ITGB5: variants seen among roughly 807,000 people sequenced by gnomAD.
ITGB5 encodes integrin subunit beta 5, also known as integrin beta-5.
ITGB5 carries 38 observed loss-of-function variants against 84.8 expected under a neutral mutation model. The ratio of observed to expected loss-of-function variants is 0.45; its 90% CI spans 0.35 to 0.59. ITGB5 has a LOEUF of 0.59. Among genes scored for constraint, ITGB5 ranks in the 20% least tolerant of loss-of-function variants. The probability of loss-of-function intolerance (pLI) is 0.01; values close to 1 mark genes in which losing one functional copy is unlikely to be tolerated. For missense variants in ITGB5, 905 were observed against 1,034.5 expected (o/e 0.87, Z 1.72); for synonymous variants, 393 against 414.4 (o/e 0.95, Z 0.63).
chr3:124,795,972 TGA>T (rs1342188367), intron 10 of ITGB5, among the ~76,000 whole-genome samples: 1 of 152,070 alleles, frequency 6.6e-6, no homozygotes, highest in Non-Finnish European at 1.5e-5. Flanking sequence ...AGGTTTGTGG[TGA>T]GTTATGGGAG....
intron 7 of ITGB5, among the ~76,000 whole-genome samples, chr3:124,819,215 G>C (rs2064659206): frequency 6.6e-6 from 1 of 152,148 alleles, no homozygotes; most frequent in South Asian, 2.1e-4. Context: ...CGGCAGTCCA[G>C]GGTGACCCAG....
intron 5 of ITGB5, among the ~76,000 whole-genome samples, chr3:124,830,068 A>G (rs1383479561): frequency 1.3e-5 from 2 of 152,222 alleles, no homozygotes; most frequent in Non-Finnish European, 2.9e-5. Flanking sequence ...GCCCCAGAGA[A>G]CAGGGACTGG....
At chr3:124,830,846 T>C (rs903229639) in intron 5 of ITGB5, among the ~76,000 whole-genome samples, 9 of 152,012 alleles carry the variant, frequency 5.9e-5, no homozygotes, top group Non-Finnish European at 7.4e-5. Flanking sequence ...TAGCCAGGCG[T>C]GGTGGCACGT....
chr3:124,865,471 C>T (rs74553200), intron 2 of ITGB5, among the ~76,000 whole-genome samples: 22,115 of 126,042 alleles, frequency 0.18, 1,850 homozygotes, highest in South Asian at 0.25. Context: ...GTGTCCTTTG[C>T]GGCTTTTTTC....
intron 9 of ITGB5, among the ~76,000 whole-genome samples, chr3:124,799,879 A>T (rs1311107693): frequency 1.3e-5 from 2 of 152,176 alleles, no homozygotes; most frequent in East Asian, 3.9e-4. Flanking sequence ...GGACCCCTTG[A>T]TGGTGATCCC....
At chr3:124,861,495 T>TATATACACACACACAC (rs750712591) in intron 2 of ITGB5, among the ~76,000 whole-genome samples, 23 of 112,010 alleles carry the variant, frequency 2.1e-4, no homozygotes, top group African/African-American at 8.7e-4. Flanking sequence ...TATATATATA[T>TATATACACACACACAC]ACACACACAC....
intron 10 of ITGB5, among the ~76,000 whole-genome samples, chr3:124,794,600 G>A (rs1314511586): frequency 6.6e-6 from 1 of 151,860 alleles, no homozygotes; most frequent in African/African-American, 2.4e-5. Flanking sequence ...GGCCAACATG[G>A]GGAAACCCCA....
chr3:124,791,152 G>T (rs1314839061), intron 10 of ITGB5: 1 of 152,162 alleles, frequency 6.6e-6, no homozygotes, highest in African/African-American at 2.4e-5. Context: ...AAAAACAACT[G>T]AACAGAACAT....
At chr3:124,898,169 C>T (rs1261101712) in intron 1 of ITGB5, among the ~76,000 whole-genome samples, 1 of 150,778 alleles carries the variant, frequency 6.6e-6, no homozygotes, top group East Asian at 1.9e-4. Context: ...TTAGAATATT[C>T]AGGTGAGGTC....
Position 124,766,173 on chromosome 3 carries a change from A to T in ITGB5, c.2137+53T>A, listed in dbSNP as rs1430747612. On this transcript the variant is annotated intron_variant, in intron 13 of 14. Transcript: ENST00000296181. ...TCCCAGAGCAGAGAATGGCATCAGA[A>T]ATCAGAACTGAGGGCTGGCTGAGTG... 5.7e-6 allele frequency: 9 copies of T among 1,580,744 alleles called. No individual in the cohort carries two copies. The East Asian group carries it at 1.8e-4, about 32-fold the overall frequency.
rs765777699 is a variant in ITGB5 at position 124,763,727 on chromosome 3, C to T, written c.2305-9G>A. On this transcript the variant is annotated splice_polypyrimidine_tract_variant and intron_variant, in intron 14 of 14. Transcript: ENST00000296181. ...TATAATGGATTTGAAGCCTACAGAACACGGCGGGGAAGAGGATGAGGACAC... is the reference window on the plus strand; with the variant it reads ...TATAATGGATTTGAAGCCTACAGAATACGGCGGGGAAGAGGATGAGGACAC... The T allele has an allele frequency of 3.9e-6, 6 of 1,537,562 alleles. No homozygotes were observed. Among genetic ancestry groups the T allele is most frequent in the Non-Finnish European group, 3.6e-6 (4 of 1,110,610 alleles).
intron 13 of ITGB5, 81 bp from the exon 14 acceptor site, chr3:124,764,638 G>C: frequency 1.4e-6 from 2 of 1,427,362 alleles, no homozygotes; most frequent in Admixed American, 2.0e-5. Context: ...TTTCTGAGAT[G>C]AAAGTTGCAC....
intron 10 of ITGB5, chr3:124,791,370 A>C (rs2150960525): frequency 6.6e-6 from 1 of 152,352 alleles, no homozygotes; most frequent in Admixed American, 6.5e-5. Context: ...TCACAAAAGT[A>C]ATAACAGAGT....
At chr3:124,799,991 C>T (rs1282191361) in intron 9 of ITGB5, among the ~76,000 whole-genome samples, 3 of 152,200 alleles carry the variant, frequency 2.0e-5, no homozygotes, top group African/African-American at 4.8e-5. Flanking sequence ...TGCCCGAAGC[C>T]ACCCGTGGGG....
chr3:124,880,114 T>C (rs1345806557), intron 1 of ITGB5, among the ~76,000 whole-genome samples: 2 of 152,176 alleles, frequency 1.3e-5, no homozygotes, highest in Non-Finnish European at 2.9e-5. Flanking sequence ...ACAAAATATC[T>C]GACCAGTGCT....
At chr3:124,871,227 C>G (rs973641910) in intron 2 of ITGB5, among the ~76,000 whole-genome samples, 2 of 151,858 alleles carry the variant, frequency 1.3e-5, no homozygotes, top group Non-Finnish European at 2.9e-5. Context: ...CAGAGTCTCG[C>G]CCTGTTGCCC....
intron 6 of ITGB5, 91 bp downstream of exon 6, chr3:124,821,222 A>G: frequency 6.5e-6 from 9 of 1,387,586 alleles, no homozygotes; most frequent in Non-Finnish European, 8.9e-6. Flanking sequence ...TGAGGGCCAG[A>G]GGAAGGTTTC....
intron 12 of ITGB5, among the ~76,000 whole-genome samples, chr3:124,767,194 GA>G (rs908600753): frequency 9.2e-5 from 14 of 152,222 alleles, no homozygotes; most frequent in African/African-American, 3.4e-4. Flanking sequence ...TCCTGGGGAG[GA>G]ACAGAAGGTG....
At chr3:124,859,143 C>T in intron 3 of ITGB5, 99 bp downstream of exon 3, 2 of 1,176,596 alleles carry the variant, frequency 1.7e-6, no homozygotes, top group Non-Finnish European at 2.5e-6. Flanking sequence ...GCTCTGATCT[C>T]AGCCTGGCCT....
Sources: gnomAD v4.1 joint callset for allele counts (sites outside exome capture counted in the v4.1 genomes callset) on GRCh38, gnomAD v4.1.1 for gene constraint, MANE v1.5 for transcripts, NCBI Gene and HGNC (gene_info 2026-07-23, HGNC 2026-07-21) for gene names.